The following SLCO1C1 variants were observed in gnomAD, a reference collection of about 807,000 sequenced individuals.
SLCO1C1 encodes the protein OAT-RP-5.
A neutral mutation model predicts 76.4 loss-of-function variants in SLCO1C1; 70 were observed. The observed-to-expected ratio is 0.92, with a 90% CI of 0.76 to 1.12. SLCO1C1 has a LOEUF of 1.12. SLCO1C1 is among the 50% of genes most tolerant of loss of function. The probability of loss-of-function intolerance (pLI) is 0.00; values close to 1 mark genes in which losing one functional copy is unlikely to be tolerated. For missense variants in SLCO1C1, 912 were observed against 823.8 expected (o/e 1.11, Z -1.31); for synonymous variants, 306 against 286.1 (o/e 1.07, Z -0.70).
At chr12:20,702,044 C>T (rs550506965) in intron 3 of SLCO1C1, among the ~76,000 whole-genome samples, 5 of 151,934 alleles carry the variant, frequency 3.3e-5, no homozygotes, top group East Asian at 3.9e-4. Flanking sequence ...TTAAAAAGAT[C>T]GAGTAATTTG....
At chr12:20,719,953 T>C (rs920285372) in intron 7 of SLCO1C1, among the ~76,000 whole-genome samples, 1 of 152,160 alleles carries the variant, frequency 6.6e-6, no homozygotes, top group African/African-American at 2.4e-5. Context: ...TTCACAGCCA[T>C]AGAGGAGAAG....
Position 20,752,392 on chromosome 12 carries a change from A to G in SLCO1C1, c.2003A>G (p.Tyr668Cys), listed in dbSNP as rs752691727. ...IAVLFILKKN[Y>C]VSKHRSFITK... The stretch of plus-strand genomic sequence containing the variant: ...GTACTTTTCATTTTAAAGAAAAATT[A>G]TGTTTCAAAACACAGAAGTTTTATA... The change falls in exon 15 of 15, where the codon TAT (tyrosine) becomes TGT (cysteine). Residue 668 changes from tyrosine (Y) to cysteine (C), a missense_variant. Transcript: ENST00000266509. The G allele has an allele frequency of 2.5e-6, 4 of 1,613,322 alleles. No homozygotes were observed. Among genetic ancestry groups the G allele is most frequent in the East Asian group, 2.2e-5 (1 of 44,826 alleles).
rs780086563 is a variant in SLCO1C1, at chr12:20,715,295, G to T, written c.676+10G>T. The T allele has an allele frequency of 6.2e-7, 1 of 1,612,712 alleles. No individual in the cohort carries two copies. Among genetic ancestry groups the T allele is most frequent in the Admixed American group, 1.7e-5 (1 of 59,868 alleles). On this transcript the variant is annotated intron_variant, in intron 6 of 14. Coordinates refer to ENST00000266509, the MANE Select transcript of SLCO1C1 (RefSeq NM_017435.5). Reference sequence around the variant, plus strand: ...GCAGCTTTCTATATTGGTAATATTGGCATATTGCTTCACTTATCTTCTTGG... The same window carrying T: ...GCAGCTTTCTATATTGGTAATATTGTCATATTGCTTCACTTATCTTCTTGG...
chr12:20,745,680 C>T (rs1210211481), intron 13 of SLCO1C1, among the ~76,000 whole-genome samples: 1 of 151,776 alleles, frequency 6.6e-6, no homozygotes, highest in Non-Finnish European at 1.5e-5. Flanking sequence ...CAAAAATTAG[C>T]CGGGTGTGCT....
chr12:20,744,288 A>T (rs1333636595), intron 13 of SLCO1C1, among the ~76,000 whole-genome samples: 1 of 152,122 alleles, frequency 6.6e-6, no homozygotes, highest in Non-Finnish European at 1.5e-5. Context: ...GGGAATATAG[A>T]TGGAGCCTAC....
chr12:20,744,550 C>T (rs1243297046), intron 13 of SLCO1C1, among the ~76,000 whole-genome samples: 1 of 151,888 alleles, frequency 6.6e-6, no homozygotes, highest in Non-Finnish European at 1.5e-5. Context: ...AATGTAATTG[C>T]CTTTTAATAT....
chr12:20,716,774 C>A (rs147022778), intron 6 of SLCO1C1, among the ~76,000 whole-genome samples: 1 of 152,100 alleles, frequency 6.6e-6, no homozygotes, highest in Non-Finnish European at 1.5e-5. Context: ...CTTAACTGAA[C>A]GTAAAATGTT....
At chr12:20,723,049 G>T (rs35653399) in intron 8 of SLCO1C1, 41 bp from the exon 9 acceptor site, 201,200 of 1,562,668 alleles carry the variant, frequency 0.13, 13,961 homozygotes, top group African/African-American at 0.16. Context: ...TTCCATGCGT[G>T]ACACCAACTT....
chr12:20,717,106 T>G (rs1442100565), intron 6 of SLCO1C1, 26 bp from the exon 7 acceptor site: 1 of 1,571,718 alleles, frequency 6.4e-7, no homozygotes, highest in South Asian at 1.2e-5. Context: ...CAGCTTTTTT[T>G]TTTTCCTTTT....
At chr12:20,726,081 C>T (rs552884093) in intron 9 of SLCO1C1, among the ~76,000 whole-genome samples, 1 of 152,168 alleles carries the variant, frequency 6.6e-6, no homozygotes, top group South Asian at 2.1e-4. Context: ...ATTCAATATC[C>T]TCTCACCCTT....
intron 10 of SLCO1C1, among the ~76,000 whole-genome samples, chr12:20,736,419 A>C (rs1948545309): frequency 6.6e-6 from 1 of 150,422 alleles, no homozygotes; most frequent in South Asian, 2.1e-4. Flanking sequence ...GGCTTCCAGT[A>C]AAATTTTATC....
intron 5 of SLCO1C1, among the ~76,000 whole-genome samples, chr12:20,712,929 A>G (rs1359625247): frequency 1.3e-5 from 2 of 152,210 alleles, no homozygotes; most frequent in Admixed American, 1.3e-4. Flanking sequence ...GTTCAGGAGG[A>G]TGCATTCAAA....
In SLCO1C1 at chr12:20,721,922, T is replaced by C. The variant is rs1157201381; in HGVS notation, c.894T>C (p.Ser298=). ...TGCCTTTCTGGTATTTACCAAAGAGTTTACCAAGATCCCAAAGTAGAGAGG... is the reference window on the plus strand; with the variant it reads ...TGCCTTTCTGGTATTTACCAAAGAGCTTACCAAGATCCCAAAGTAGAGAGG... The part of the protein sequence containing the change: ...AAVPFWYLPK[S]LPRSQSREDS... The change falls in exon 8 of 15, where the codon AGT becomes AGC. Residue 298 remains serine (S), a synonymous_variant. Transcript: ENST00000266509. The C allele has an allele frequency of 3.7e-6, 6 of 1,613,880 alleles. No individual in the cohort carries two copies. The African/African-American group carries it at 8.0e-5, about 22-fold the overall frequency.
At position 20,699,489 on chromosome 12, in the gene SLCO1C1, T is replaced by TA. The variant is rs1160530214; in HGVS notation, c.-25-56dup. 4 of 1,341,842 alleles carry TA rather than the reference T, an allele frequency of 3.0e-6. No individual in the cohort carries two copies. In the South Asian group the frequency reaches 5.0e-5, roughly 17 times the overall value. 83.1% of individuals were successfully genotyped at this position (1,341,842 alleles called of 1,614,324 possible). On this transcript the variant is annotated intron_variant, in intron 1 of 14. Transcript: ENST00000266509. ...TATAGAATTGTGGTATACTGTTGAA[T>TA]AAAAAAATTTAATAAATTGCGTAGT...
At chr12:20,750,908 C>T (rs1322364542) in intron 14 of SLCO1C1, 116 bp downstream of exon 14, 1 of 1,592,394 alleles carries the variant, frequency 6.3e-7, no homozygotes, top group Admixed American at 1.7e-5. Context: ...AAAGAATAGT[C>T]TAATCAAAAA....
At chr12:20,713,470 T>C (rs1947229875) in intron 5 of SLCO1C1, among the ~76,000 whole-genome samples, 1 of 152,242 alleles carries the variant, frequency 6.6e-6, no homozygotes, top group Non-Finnish European at 1.5e-5. Flanking sequence ...TTAGACTCAG[T>C]AATTAAAATG....
At chr12:20,712,416 T>G (rs1387059775) in intron 5 of SLCO1C1, among the ~76,000 whole-genome samples, 1 of 152,086 alleles carries the variant, frequency 6.6e-6, no homozygotes, top group East Asian at 1.9e-4. Flanking sequence ...GTAACACAGA[T>G]TTTCCTTACT....
At chr12:20,731,530 G>A (rs1392922870) in intron 9 of SLCO1C1, among the ~76,000 whole-genome samples, 2 of 152,156 alleles carry the variant, frequency 1.3e-5, no homozygotes, top group African/African-American at 4.8e-5. Context: ...TACAGCAAAT[G>A]CTGATTTTGT....
chr12:20,709,887 CAAAAAAAAAAAAAAAAAAAAAAAAAA>C lies in SLCO1C1; in HGVS notation c.405-1486_405-1461del, dbSNP rs996552819. Among the ~76,000 whole-genome samples, 4 of 2,020 alleles carry C rather than the reference CAAAAAAAAAAAAAAAAAAAAAAAAAA, an allele frequency of 2.0e-3. 1 individual carries two copies. Among genetic ancestry groups the C allele is most frequent in the Admixed American group, 0.016 (2 of 124 alleles). 1.3% of individuals were successfully genotyped at this position (2,020 alleles called of 152,430 possible). ...TGGGCGACAGAGCGAGACTCCGTCT[CAAAAAAAAAAAAAAAAAAAAAAAAAA>C]AAAAAAAAAAAAGAATTGAAAACAG... On this transcript the variant is annotated intron_variant, in intron 4 of 14. Transcript: ENST00000266509.
Sources: gnomAD v4.1 joint callset for allele counts (sites outside exome capture counted in the v4.1 genomes callset) on GRCh38, gnomAD v4.1.1 for gene constraint, MANE v1.5 for transcripts, NCBI Gene and HGNC (gene_info 2026-07-23, HGNC 2026-07-21) for gene names.